ACVR1: variants seen among roughly 807,000 people sequenced by gnomAD.
ACVR1 encodes the protein activin receptor type-1.
In ACVR1, 38 loss-of-function variants were observed where a neutral mutation model predicts 57.1. The ratio of observed to expected loss-of-function variants is 0.67; its 90% CI spans 0.51 to 0.87. The LOEUF (loss-of-function observed/expected upper bound fraction) is 0.87. ACVR1 is among the 40% of genes least tolerant of loss of function. The pLI, the probability that ACVR1 is intolerant of heterozygous loss-of-function variation, is 0.00. For missense variants in ACVR1, 463 were observed against 638.2 expected, an observed-to-expected ratio of 0.73 and a Z score of 2.96; for synonymous variants, 212 against 228.1, an observed-to-expected ratio of 0.93 and a Z score of 0.63.
intron 1 of ACVR1, among the ~76,000 whole-genome samples, chr2:157,874,242 A>G (rs967997453): frequency 3.3e-5 from 5 of 152,262 alleles, no homozygotes; most frequent in African/African-American, 4.8e-5. Context: ...CTTAAGGCCT[A>G]GATTTCAGCT....
chr2:157,834,880 G>A (rs1688724469), intron 1 of ACVR1, among the ~76,000 whole-genome samples: 1 of 152,058 alleles, frequency 6.6e-6, no homozygotes, highest in Admixed American at 6.6e-5. Flanking sequence ...ACCCCAGATA[G>A]CTACCTTATC....
chr2:157,762,625 C>G (rs1356901088), intron 8 of ACVR1, among the ~76,000 whole-genome samples: 2 of 152,202 alleles, frequency 1.3e-5, no homozygotes, highest in Non-Finnish European at 2.9e-5. Flanking sequence ...CTGCTAGGAT[C>G]TCCAGGTGAG....
chr2:157,864,006 T>C (rs1350719315), intron 1 of ACVR1, among the ~76,000 whole-genome samples: 2 of 149,802 alleles, frequency 1.3e-5, no homozygotes, highest in South Asian at 2.1e-4. Context: ...ACTAGATGCA[T>C]GCCACCATGC....
chr2:157,823,603 G>A (rs144138526), intron 1 of ACVR1, among the ~76,000 whole-genome samples: 3 of 152,134 alleles, frequency 2.0e-5, no homozygotes, highest in East Asian at 1.9e-4. Context: ...TGTTTTGGCC[G>A]AAATATTAGA....
At chr2:157,815,221 A>G (rs1687890665) in intron 2 of ACVR1, among the ~76,000 whole-genome samples, 1 of 150,612 alleles carries the variant, frequency 6.6e-6, no homozygotes, top group Non-Finnish European at 1.5e-5. Flanking sequence ...TAATATATGC[A>G]TGTATATTAT....
chr2:157,757,961 GA>G (rs1685501006), intron 9 of ACVR1, among the ~76,000 whole-genome samples: 1 of 151,586 alleles, frequency 6.6e-6, no homozygotes, highest in Non-Finnish European at 1.5e-5. Flanking sequence ...TAAAAAGGCA[GA>G]AATAAGTCCT....
intron 6 of ACVR1, among the ~76,000 whole-genome samples, chr2:157,773,190 G>A (rs770717896): frequency 1.3e-5 from 2 of 152,148 alleles, no homozygotes; most frequent in Non-Finnish European, 2.9e-5. Flanking sequence ...AGAAACTTAG[G>A]AAAATGATTA....
chr2:157,787,620 G>A (rs1574065335), intron 3 of ACVR1, among the ~76,000 whole-genome samples: 2 of 152,138 alleles, frequency 1.3e-5, no homozygotes, highest in East Asian at 1.9e-4. Flanking sequence ...TGGTTCCATC[G>A]ATTGAATGTC....
intron 1 of ACVR1, among the ~76,000 whole-genome samples, chr2:157,852,360 T>C (rs915196028): frequency 1.3e-5 from 2 of 151,744 alleles, no homozygotes; most frequent in African/African-American, 4.8e-5. Flanking sequence ...TAGCTGGGCA[T>C]GGTGGTGCAT....
At chr2:157,793,186 A>G (rs986406708) in intron 3 of ACVR1, among the ~76,000 whole-genome samples, 5 of 152,142 alleles carry the variant, frequency 3.3e-5, no homozygotes, top group African/African-American at 1.2e-4. Context: ...AAAAGAGAAC[A>G]CTTAGAAGTG....
At chr2:157,873,827 GA>G (rs1690190127) in intron 1 of ACVR1, among the ~76,000 whole-genome samples, 1 of 152,032 alleles carries the variant, frequency 6.6e-6, no homozygotes, top group African/African-American at 2.4e-5. Flanking sequence ...TCACTACTTT[GA>G]AAAAAATTCG....
chr2:157,757,428 G>A (rs2105246652), intron 9 of ACVR1, among the ~76,000 whole-genome samples: 1 of 151,692 alleles, frequency 6.6e-6, no homozygotes, highest in South Asian at 2.1e-4. Flanking sequence ...AGCCCAAAAT[G>A]GTATTGTCCA....
Position 157,770,481 on chromosome 2 carries a change from C to T in ACVR1, c.677G>A (p.Ser226Asn), listed in dbSNP as rs1401182199. 1 of 1,614,104 alleles carries T rather than the reference C, an allele frequency of 6.2e-7. No homozygotes were observed. The highest frequency in any genetic ancestry group is 1.6e-4 in the Middle Eastern group (1 of 6,062). ...CACGGCAACATTCTCCCCTTGCCAG[C>T]TGCCCCTCCACACCTCACCATACCT... ...KGRYGEVWRG[S>N]WQGENVAVKI... is the part of the protein sequence containing the mutation. Residue 226 changes from serine to asparagine, a missense_variant, in exon 7 of 11, where the codon AGC (serine) becomes AAC (asparagine). Transcript: ENST00000434821.
In ACVR1 at chr2:157,770,490, C is replaced by T. The variant is rs1465199127; in HGVS notation, c.668G>A (p.Trp223Ter). ...CVGKGRYGEV[W>*]RGSWQGENVA... ...ATTCTCCCCTTGCCAGCTGCCCCTC[C>T]ACACCTCACCATACCTGCCTTTCCC... is the stretch of plus-strand genomic sequence containing the variant. Residue 223 changes from tryptophan (W) to a stop codon, truncating the protein, a stop_gained, in exon 7 of 11, where the codon TGG becomes TAG. Coordinates refer to ENST00000434821, the MANE Select transcript of ACVR1 (RefSeq NM_001111067.4). LOFTEE classifies it high-confidence loss of function. 3.1e-6 allele frequency: 5 copies of T among 1,613,990 alleles called. No individual in the cohort carries two copies. The highest frequency in any genetic ancestry group is 4.2e-6 in the Non-Finnish European group (5 of 1,179,938).
At chr2:157,783,405 A>C (rs1042471069) in intron 3 of ACVR1, among the ~76,000 whole-genome samples, 1 of 152,220 alleles carries the variant, frequency 6.6e-6, no homozygotes, top group African/African-American at 2.4e-5. Flanking sequence ...TATCACCTTC[A>C]GTAAAATTTA....
chr2:157,855,323 T>TACACACAC (rs138199528), intron 1 of ACVR1, among the ~76,000 whole-genome samples: 4 of 108,518 alleles, frequency 3.7e-5, no homozygotes, highest in East Asian at 3.7e-4. Context: ...TATATATATA[T>TACACACAC]ACACACACAC....
chr2:157,810,908 G>A (rs934248541), intron 2 of ACVR1, among the ~76,000 whole-genome samples: 20 of 152,228 alleles, frequency 1.3e-4, no homozygotes, highest in Middle Eastern at 3.4e-3. Context: ...GTTCTACGTC[G>A]TTTTAGTCTT....
intron 7 of ACVR1, among the ~76,000 whole-genome samples, chr2:157,769,614 A>G (rs906134432): frequency 6.6e-6 from 1 of 152,216 alleles, no homozygotes; most frequent in African/African-American, 2.4e-5. Context: ...TGGCCTTCCT[A>G]TGAGCCAGAC....
At chr2:157,755,053 C>T (rs924263133) in intron 9 of ACVR1, among the ~76,000 whole-genome samples, 3 of 152,050 alleles carry the variant, frequency 2.0e-5, no homozygotes, top group African/African-American at 7.2e-5. Context: ...TTGATAAAAT[C>T]CAGCATCCCT....
Sources: gnomAD v4.1 joint callset for allele counts (sites outside exome capture counted in the v4.1 genomes callset) on GRCh38, gnomAD v4.1.1 for gene constraint, MANE v1.5 for transcripts, NCBI Gene and HGNC (gene_info 2026-07-23, HGNC 2026-07-21) for gene names.